The following SLC9A9 variants were observed in gnomAD, a reference collection of about 807,000 sequenced individuals.
SLC9A9 encodes solute carrier family 9 member A9, also known as sodium/hydrogen exchanger 9.
A neutral mutation model predicts 77.8 loss-of-function variants in SLC9A9; 62 were observed. The observed-to-expected ratio is 0.80, with a 90% CI of 0.65 to 0.98. The LOEUF (loss-of-function observed/expected upper bound fraction) is 0.98. Ranked by LOEUF, SLC9A9 falls within the 50% of genes least tolerant of loss-of-function variation. SLC9A9 has a pLI of 0.00. For missense variants in SLC9A9, 775 were observed against 774.9 expected, an observed-to-expected ratio of 1.00 and a Z score of 0.00; for synonymous variants, 320 against 283.5, an observed-to-expected ratio of 1.13 and a Z score of -1.29.
In SLC9A9 at chr3:143,304,197, T is replaced by G. The variant is rs1307642690; in HGVS notation, c.1605-35217A>C. Reference sequence around the variant, plus strand: ...CTGCTTATGATAAAAATGCAATTATTTCAGTATTTCTCCTTTTTCTGCCTC... The same window carrying G: ...CTGCTTATGATAAAAATGCAATTATGTCAGTATTTCTCCTTTTTCTGCCTC... On this transcript the variant is annotated intron_variant, in intron 14 of 15. Transcript: ENST00000316549. 2.6e-5 allele frequency among the ~76,000 whole-genome samples: 4 copies of G among 152,152 alleles called. No individual in the cohort carries two copies. In the East Asian group the frequency reaches 7.7e-4, roughly 29 times the overall value.
chr3:143,704,995 A>ATTATCTATC (rs1553782450), intron 4 of SLC9A9, among the ~76,000 whole-genome samples: 14 of 116,006 alleles, frequency 1.2e-4, no homozygotes, highest in South Asian at 5.3e-4. Context: ...TCCATCTCAA[A>ATTATCTATC]TATCTATCTA....
intron 4 of SLC9A9, among the ~76,000 whole-genome samples, chr3:143,747,183 A>G (rs1481479425): frequency 6.6e-6 from 1 of 152,156 alleles, no homozygotes; most frequent in Admixed American, 6.5e-5. Context: ...AGGTGGGCGG[A>G]TCATGAGGTC....
intron 12 of SLC9A9, among the ~76,000 whole-genome samples, chr3:143,436,997 A>G (rs1292632110): frequency 1.3e-5 from 2 of 152,180 alleles, no homozygotes; most frequent in African/African-American, 2.4e-5. Context: ...TACATCTCAA[A>G]CCATTGTGCA....
chr3:143,550,018 A>G (rs1168147205), intron 9 of SLC9A9, among the ~76,000 whole-genome samples: 3 of 152,014 alleles, frequency 2.0e-5, no homozygotes, highest in East Asian at 1.9e-4. Flanking sequence ...GGGCCTCAAG[A>G]TTTCTGTAAC....
intron 12 of SLC9A9, among the ~76,000 whole-genome samples, chr3:143,466,049 T>C (rs1255217319): frequency 6.6e-6 from 1 of 152,230 alleles, no homozygotes; most frequent in Non-Finnish European, 1.5e-5. Flanking sequence ...TTGTATTCAT[T>C]TAACTTTTCA....
intron 13 of SLC9A9, chr3:143,381,839 T>C (rs1576460412): frequency 3.5e-6 from 2 of 569,316 alleles, no homozygotes. Flanking sequence ...CCTGCTGCCA[T>C]AGAGAGGCTT....
rs1255994039 is a variant in SLC9A9 at position 143,578,599 on chromosome 3, T to C, written c.880A>G (p.Ile294Val). ...GSFAMGSAYAIITALLTKFTK... is the reference protein window; with the variant it reads ...GSFAMGSAYAVITALLTKFTK... The stretch of plus-strand genomic sequence containing the variant: ...ACAAAGGATATCAGTGCTGTGATGA[T>C]GGCATACGCAGACCCCATTGCAAAT... The change falls in exon 7 of 16, where the codon ATC becomes GTC. Residue 294 changes from isoleucine (I) to valine (V), a missense_variant. Physicochemically the swap from Ile to Val is conservative, Grantham distance 29. Transcript: ENST00000316549. 4 of 1,614,018 alleles carry C rather than the reference T, an allele frequency of 2.5e-6. No homozygotes were observed. The South Asian group carries it at 4.4e-5, about 18-fold the overall frequency.
chr3:143,554,676 C>A (rs1576573880), intron 8 of SLC9A9, among the ~76,000 whole-genome samples: 1 of 152,186 alleles, frequency 6.6e-6, no homozygotes, highest in Non-Finnish European at 1.5e-5. Context: ...AAAGGTCCTG[C>A]AAGATCTCTT....
At chr3:143,380,058 G>T (rs556079752) in intron 13 of SLC9A9, among the ~76,000 whole-genome samples, 11 of 152,200 alleles carry the variant, frequency 7.2e-5, no homozygotes, top group African/African-American at 2.4e-4. Flanking sequence ...AGAGGCAGAC[G>T]TTATTATCAT....
intron 14 of SLC9A9, among the ~76,000 whole-genome samples, chr3:143,296,024 C>T (rs1382757446): frequency 1.3e-5 from 2 of 152,148 alleles, no homozygotes; most frequent in Non-Finnish European, 2.9e-5. Flanking sequence ...TGGCATTGCC[C>T]ATCAGAGCTG....
Position 143,677,957 on chromosome 3 carries a change from G to A in SLC9A9, c.649+15235C>T, listed in dbSNP as rs577369573. Among the ~76,000 whole-genome samples, 22 of 151,756 alleles carry A rather than the reference G, an allele frequency of 1.4e-4. 1 individual carries two copies. The South Asian group carries it at 4.6e-3, about 32-fold the overall frequency. ...TTCTCATGCCTCAGCTTCCCAAGTA[G>A]CTGGGACTACAGGCGCCTGCCACCA... On this transcript the variant is annotated intron_variant, in intron 5 of 15. Transcript: ENST00000316549.
intron 12 of SLC9A9, among the ~76,000 whole-genome samples, chr3:143,418,657 G>C (rs2034242941): frequency 6.6e-6 from 1 of 152,110 alleles, no homozygotes; most frequent in Non-Finnish European, 1.5e-5. Flanking sequence ...GTTTGTAAAG[G>C]ATGCAGAAGG....
At chr3:143,595,199 G>A (rs1281266690) in intron 6 of SLC9A9, among the ~76,000 whole-genome samples, 1 of 152,202 alleles carries the variant, frequency 6.6e-6, no homozygotes, top group Non-Finnish European at 1.5e-5. Flanking sequence ...TGGAGCTAGT[G>A]GATTTGGCCC....
intron 2 of SLC9A9, among the ~76,000 whole-genome samples, chr3:143,827,395 A>T (rs773889988): frequency 6.6e-5 from 10 of 152,218 alleles, no homozygotes; most frequent in Non-Finnish European, 1.2e-4. Flanking sequence ...TGTTTTCACC[A>T]ATCTTTAAGT....
chr3:143,805,284 C>T (rs1429148203), intron 2 of SLC9A9, among the ~76,000 whole-genome samples: 2 of 152,082 alleles, frequency 1.3e-5, no homozygotes, highest in Non-Finnish European at 1.5e-5. Context: ...CAATATCACC[C>T]CTTACCACAA....
chr3:143,817,977 T>C (rs577118214), intron 2 of SLC9A9, among the ~76,000 whole-genome samples: 1 of 152,250 alleles, frequency 6.6e-6, no homozygotes, highest in African/African-American at 2.4e-5. Context: ...GTTATGATAA[T>C]AAGTAAGTAA....
intron 4 of SLC9A9, among the ~76,000 whole-genome samples, chr3:143,695,417 T>C (rs1351183464): frequency 1.3e-5 from 2 of 152,086 alleles, no homozygotes; most frequent in African/African-American, 4.8e-5. Flanking sequence ...CTCCCACTTA[T>C]GAGTGAGGAC....
Position 143,848,193 on chromosome 3 carries a change from G to A in SLC9A9, c.130C>T (p.His44Tyr), listed in dbSNP as rs1559826332. The A allele has an allele frequency of 1.2e-6, 2 of 1,613,864 alleles. No individual in the cohort carries two copies. Among genetic ancestry groups the A allele is most frequent in the Non-Finnish European group, 1.7e-6 (2 of 1,179,932 alleles). Residue 44 changes from histidine to tyrosine, a missense_variant, in exon 1 of 16, where the codon CAT (histidine) becomes TAT (tyrosine). His to Tyr is a moderately conservative substitution (Grantham distance 83). Coordinates refer to ENST00000316549, the MANE Select transcript of SLC9A9 (RefSeq NM_173653.4). Reference protein sequence around the residue: ...TILTIWLFKNHRFRFLHETGG... With the variant: ...TILTIWLFKNYRFRFLHETGG... ...GTTTCATGCAAGAAGCGGAATCGAT[G>A]ATTTTTAAATAACCAGATTGTCAAA...
intron 9 of SLC9A9, among the ~76,000 whole-genome samples, chr3:143,508,722 C>T (rs1365535387): frequency 6.6e-6 from 1 of 152,176 alleles, no homozygotes; most frequent in East Asian, 1.9e-4. Context: ...GAAAAGAGGA[C>T]TAATTAAACT....
Sources: gnomAD v4.1 joint callset for allele counts (sites outside exome capture counted in the v4.1 genomes callset) on GRCh38, gnomAD v4.1.1 for gene constraint, MANE v1.5 for transcripts, NCBI Gene and HGNC (gene_info 2026-07-23, HGNC 2026-07-21) for gene names.